NUMA1: variants seen among roughly 807,000 people sequenced by gnomAD.
The protein encoded by NUMA1 is nuclear mitotic apparatus protein 1.
A neutral mutation model predicts 237.1 loss-of-function variants in NUMA1; 62 were observed. The observed-to-expected ratio is 0.26, with a 90% CI of 0.21 to 0.32. The LOEUF (loss-of-function observed/expected upper bound fraction) is 0.32. Among genes scored for constraint, NUMA1 ranks in the 10% least tolerant of loss-of-function variants. The pLI, the probability that NUMA1 is intolerant of heterozygous loss-of-function variation, is 1.00. For synonymous variants in NUMA1, 1,028 were observed against 1,066.1 expected (o/e 0.96, Z 0.70); for missense variants, 2,533 against 2,666.5 (o/e 0.95, Z 1.10).
chr11:72,080,295 A>G (rs1427303480), intron 1 of NUMA1, 163 bp downstream of exon 1: 1 of 47,370 alleles, frequency 2.1e-5, no homozygotes, highest in Non-Finnish European at 4.1e-5. Flanking sequence ...CCTCCCTCTC[A>G]GGCGCCTCTC....
At chr11:72,018,782 G>T in intron 10 of NUMA1, 41 bp downstream of exon 10, 1 of 1,590,720 alleles carries the variant, frequency 6.3e-7, no homozygotes, top group Non-Finnish European at 8.5e-7. Context: ...CATCCTTCCG[G>T]CAAGTCTATT....
At position 72,017,705 on chromosome 11, in the gene NUMA1, G is replaced by A. The variant is rs201583885; in HGVS notation, c.1101C>T (p.Ser367=). The A allele has an allele frequency of 1.1e-4, 179 of 1,613,216 alleles. No homozygotes were observed. The highest frequency in any genetic ancestry group is 1.3e-4 in the Non-Finnish European group (159 of 1,180,022). Residue 367 remains serine (S), a synonymous_variant, in exon 13 of 27, where the codon AGC becomes AGT. Transcript: ENST00000393695. ...EKQAQLEKEL[S]AALQDKKCLE... is the part of the protein sequence containing the mutation. ...GGGTTACCTTGTCCTGCAGGGCTGCGCTGAGCTCCTTCTCCAGCTGGGCCT... is the reference window on the plus strand; with the variant it reads ...GGGTTACCTTGTCCTGCAGGGCTGCACTGAGCTCCTTCTCCAGCTGGGCCT...
intron 3 of NUMA1, among the ~76,000 whole-genome samples, chr11:72,031,615 G>A (rs1327672026): frequency 1.3e-5 from 2 of 149,846 alleles, no homozygotes; most frequent in Non-Finnish European, 3.0e-5. Context: ...GGCAACATAA[G>A]GAGACCCTGG....
chr11:72,072,242 G>C (rs1478912103), intron 1 of NUMA1: 1 of 154,100 alleles, frequency 6.5e-6, no homozygotes, highest in Non-Finnish European at 1.5e-5. Context: ...TGGTAAGGTG[G>C]ATACAATGTG....
chr11:72,041,651 C>G (rs1007896106), intron 2 of NUMA1: 22 of 152,186 alleles, frequency 1.4e-4, no homozygotes, highest in African/African-American at 5.1e-4. Context: ...ACATGCAGGC[C>G]CTCTGATCGG....
At chr11:72,056,151 G>C (rs543686115) in intron 2 of NUMA1, among the ~76,000 whole-genome samples, 1 of 151,708 alleles carries the variant, frequency 6.6e-6, no homozygotes, top group South Asian at 2.1e-4. Context: ...TCTGTCTCAA[G>C]AGAAACAACA....
rs1337410109 is a variant in NUMA1, at chr11:72,003,472, C to G, written c.*55G>C. The G allele has an allele frequency of 1.3e-6, 2 of 1,567,018 alleles. No homozygotes were observed. Among genetic ancestry groups the G allele is most frequent in the Non-Finnish European group, 1.8e-6 (2 of 1,136,920 alleles). On this transcript the variant is annotated 3_prime_UTR_variant, in exon 27 of 27. Coordinates refer to ENST00000393695, the MANE Select transcript of NUMA1 (RefSeq NM_006185.4). ...ACTGAGAGGGACAGTAGGCGGAGGACCAGGTGAGGTCAGCATCGGGGACAC... is the reference window on the plus strand; with the variant it reads ...ACTGAGAGGGACAGTAGGCGGAGGAGCAGGTGAGGTCAGCATCGGGGACAC...
rs1488495393 is a variant in NUMA1, at chr11:72,017,544, A to G, written c.1119+143T>C. The stretch of plus-strand genomic sequence containing the variant: ...AAAAAGGTGTACTAGACTGAAGCCC[A>G]CAATCTTTCAATTACAGCACACTAT... On this transcript the variant is annotated intron_variant, in intron 13 of 26. Transcript: ENST00000393695. 3.8e-6 allele frequency: 4 copies of G among 1,064,226 alleles called. No individual in the cohort carries two copies. The South Asian group carries it at 5.0e-5, about 13-fold the overall frequency. The allele number at this position is 1,064,226 out of a possible 1,614,324, so 65.9% of individuals were successfully genotyped here. A position where few individuals can be genotyped will look rare whatever the true frequency, so the allele number is the denominator to read the frequency against.
chr11:72,073,067 A>AAAAAAAAAAAAC (rs1943537131), intron 1 of NUMA1, among the ~76,000 whole-genome samples: 1 of 146,672 alleles, frequency 6.8e-6, no homozygotes, highest in Non-Finnish European at 1.5e-5. Flanking sequence ...AAAAAAAAAA[A>AAAAAAAAAAAAC]AGCTGCCTAG....
Position 72,005,238 on chromosome 11 carries a change from A to G in NUMA1, c.5824T>C (p.Ser1942Pro). ...ACAGTGACCCCAGGCCTCACCCTGG[A>G]CTCCAGGGGATAGCAGGTCTTCAGA... Reference protein sequence around the residue: ...PHLKTCYPLESRPSLSLGTIT... With the variant: ...PHLKTCYPLEPRPSLSLGTIT... The change falls in exon 23 of 27, where the codon TCC becomes CCC. Residue 1942 changes from serine (S) to proline (P), a missense_variant. Transcript: ENST00000393695. The G allele has an allele frequency of 3.1e-6, 5 of 1,592,898 alleles. No homozygotes were observed. Among genetic ancestry groups the G allele is most frequent in the Non-Finnish European group, 4.3e-6 (5 of 1,171,382 alleles).
At chr11:72,033,539 AT>A (rs1433285212) in intron 3 of NUMA1, among the ~76,000 whole-genome samples, 2 of 151,794 alleles carry the variant, frequency 1.3e-5, no homozygotes, top group Non-Finnish European at 2.9e-5. Flanking sequence ...CACCCAGCTA[AT>A]TTTTGTATTT....
rs373028376 is a variant in NUMA1, at chr11:72,013,788, G to T, written c.3715C>A (p.Arg1239Ser). 1.2e-6 allele frequency: 2 copies of T among 1,610,020 alleles called. No homozygotes were observed. Among genetic ancestry groups the T allele is most frequent in the South Asian group, 1.1e-5 (1 of 91,072 alleles). Residue 1239 changes from arginine (R) to serine (S), a missense_variant, in exon 15 of 27, where the codon CGC (arginine) becomes AGC (serine). Transcript: ENST00000393695. The surrounding 1 kb of genome is among the most constrained non-coding windows in gnomAD (Gnocchi z 6.8). ...TCCCCCTCCTTCTCCAGGACCTGGCGATTCAGGATGGACACCTCCTCCTCC... is the reference window on the plus strand; with the variant it reads ...TCCCCCTCCTTCTCCAGGACCTGGCTATTCAGGATGGACACCTCCTCCTCC... ...SLEEEVSILN[R>S]QVLEKEGESK...
chr11:72,014,871 G>A lies in NUMA1; in HGVS notation c.2632C>T (p.His878Tyr), dbSNP rs1350250622. ...SRQQNELAEL[H>Y]ANLARALQQV... The stretch of plus-strand genomic sequence containing the variant: ...TGGAGTGCTCTGGCCAGGTTGGCAT[G>A]GAGCTCAGCTAGTTCGTTCTGCTGC... Residue 878 changes from histidine (H) to tyrosine (Y), a missense_variant, in exon 15 of 27, where the codon CAT (histidine) becomes TAT (tyrosine). His to Tyr is a moderately conservative substitution (Grantham distance 83, BLOSUM62 2). Transcript: ENST00000393695. This position sits in a 1 kb window ranked among gnomAD's most constrained non-coding sequence, Gnocchi z 4.6. 9.3e-6 allele frequency: 15 copies of A among 1,614,226 alleles called. No homozygotes were observed. The highest frequency in any genetic ancestry group is 1.3e-5 in the Non-Finnish European group (15 of 1,180,046).
chr11:72,005,901 G>A, intron 22 of NUMA1, 134 bp downstream of exon 22: 2 of 735,096 alleles, frequency 2.7e-6, no homozygotes, highest in Non-Finnish European at 4.5e-6. Context: ...GCTGCAGGAA[G>A]GAGGGGCAGG....
At chr11:72,066,331 T>C (rs1040673567) in intron 2 of NUMA1, 19 of 150,242 alleles carry the variant, frequency 1.3e-4, no homozygotes, top group African/African-American at 4.4e-4. Context: ...AGACAGGACC[T>C]AAATAACATA....
At chr11:72,004,170 T>C in intron 25 of NUMA1, 55 bp downstream of exon 25, 1 of 1,606,426 alleles carries the variant, frequency 6.2e-7, no homozygotes, top group African/African-American at 1.3e-5. Flanking sequence ...TGCCACGCTC[T>C]ATCAGCAAGG....
Position 72,015,144 on chromosome 11 carries a change from G to C in NUMA1, c.2359C>G (p.Arg787Gly), listed in dbSNP as rs746636794. Reference protein sequence around the residue: ...AHQAETEVLRRELAEAMAAQH... With the variant: ...AHQAETEVLRGELAEAMAAQH... The stretch of plus-strand genomic sequence containing the variant: ...GCAGCCATGGCCTCTGCCAGCTCCC[G>C]CCGCAGGACTTCAGTCTCAGCCTGA... The change falls in exon 15 of 27, where the codon CGG becomes GGG. Residue 787 changes from arginine (R) to glycine (G), a missense_variant. Around this residue, in one of 3 missense-constraint regions of NUMA1, gnomAD observed 1,414 missense variants for 1,508.1 expected, o/e 0.94. Coordinates refer to ENST00000393695, the MANE Select transcript of NUMA1 (RefSeq NM_006185.4). The surrounding 1 kb of genome is among the most constrained non-coding windows in gnomAD (Gnocchi z 4.0). 1 of 1,613,450 alleles carries C rather than the reference G, an allele frequency of 6.2e-7. No individual in the cohort carries two copies. Among genetic ancestry groups the C allele is most frequent in the Non-Finnish European group, 8.5e-7 (1 of 1,180,036 alleles).
chr11:72,008,540 C>A, intron 20 of NUMA1, 148 bp downstream of exon 20: 1 of 894,724 alleles, frequency 1.1e-6, no homozygotes, highest in Non-Finnish European at 1.7e-6. Flanking sequence ...CAACTGTGCC[C>A]TAAATAGATA....
chr11:72,045,430 C>A (rs1404352361), intron 2 of NUMA1, among the ~76,000 whole-genome samples: 1 of 152,170 alleles, frequency 6.6e-6, no homozygotes, highest in Non-Finnish European at 1.5e-5. Context: ...AAAGCAGATA[C>A]CAAAACTTTT....
Sources: allele counts gnomAD v4.1 joint callset (sites outside exome capture counted in the v4.1 genomes callset), GRCh38; gene constraint gnomAD v4.1.1; regional missense constraint gnomAD v4.1.1; non-coding constraint Gnocchi (gnomAD v3.1); transcripts MANE v1.5; gene names NCBI Gene and HGNC (gene_info 2026-07-23, HGNC 2026-07-21).